Variants in GRID1 observed in about 807,000 individuals in gnomAD.
The protein encoded by GRID1 is glutamate receptor ionotropic, delta-1.
Under a neutral mutation model 98.0 loss-of-function variants are expected in GRID1, and 28 were observed. The ratio of observed to expected loss-of-function variants is 0.29; its 90% CI spans 0.21 to 0.39. The LOEUF is 0.39. GRID1 is among the 10% of genes least tolerant of loss of function. The pLI, the probability that GRID1 is intolerant of heterozygous loss-of-function variation, is 1.00. For missense variants in GRID1, 1,111 were observed against 1,340.5 expected, an observed-to-expected ratio of 0.83 and a Z score of 2.67; for synonymous variants, 553 against 538.5, an observed-to-expected ratio of 1.03 and a Z score of -0.37.
At chr10:85,949,637 G>A (rs1842094628) in intron 4 of GRID1, among the ~76,000 whole-genome samples, 2 of 152,026 alleles carry the variant, frequency 1.3e-5, no homozygotes, top group Admixed American at 6.5e-5. Context: ...AAACCTTCTA[G>A]GCTTCCATCC....
chr10:86,074,793 A>C lies in GRID1; in HGVS notation c.726+64026T>G, dbSNP rs560201972. ...ATTAAAATTTGGCTTCAGCTTTTACACAGAGATGGTGCAGGACAGGGCTCC... is the reference window on the plus strand; with the variant it reads ...ATTAAAATTTGGCTTCAGCTTTTACCCAGAGATGGTGCAGGACAGGGCTCC... On this transcript the variant is annotated intron_variant, in intron 4 of 15. Coordinates refer to ENST00000327946, the MANE Select transcript of GRID1 (RefSeq NM_017551.3). Among the ~76,000 whole-genome samples, 26 of 152,352 alleles carry C rather than the reference A, an allele frequency of 1.7e-4. No individual in the cohort carries two copies. In the South Asian group the frequency reaches 5.4e-3, roughly 32 times the overall value.
At chr10:85,844,783 C>A (rs1215760832) in intron 8 of GRID1, among the ~76,000 whole-genome samples, 1 of 151,394 alleles carries the variant, frequency 6.6e-6, no homozygotes, top group East Asian at 1.9e-4. Context: ...GAAATGAGCA[C>A]CAACAAAAAG....
chr10:86,034,828 G>A (rs529413623), intron 4 of GRID1, among the ~76,000 whole-genome samples: 18 of 152,050 alleles, frequency 1.2e-4, no homozygotes, highest in African/African-American at 4.1e-4. Context: ...TGGACCTACT[G>A]ATGAATGGAT....
chr10:86,338,363 A>G (rs1848258628), intron 2 of GRID1, among the ~76,000 whole-genome samples: 1 of 152,172 alleles, frequency 6.6e-6, no homozygotes. Flanking sequence ...ATAGTGGATG[A>G]CGTGGAAGGA....
intron 4 of GRID1, among the ~76,000 whole-genome samples, chr10:85,938,812 T>C (rs968434881): frequency 1.3e-5 from 2 of 152,220 alleles, no homozygotes; most frequent in African/African-American, 4.8e-5. Flanking sequence ...ACCTGTGATT[T>C]GGAAAGCTTT....
chr10:86,098,745 A>G (rs183045003), intron 4 of GRID1, among the ~76,000 whole-genome samples: 1 of 152,170 alleles, frequency 6.6e-6, no homozygotes, highest in African/African-American at 2.4e-5. Flanking sequence ...TTTGATTACA[A>G]CTGAAGTTTT....
At chr10:85,918,784 C>T (rs572150599) in intron 4 of GRID1, among the ~76,000 whole-genome samples, 2 of 152,302 alleles carry the variant, frequency 1.3e-5, no homozygotes, top group South Asian at 2.1e-4. Flanking sequence ...GGAGTAGCGA[C>T]GTCCCATCCC....
chr10:85,895,767 A>G (rs544752514), intron 5 of GRID1, among the ~76,000 whole-genome samples: 1 of 152,328 alleles, frequency 6.6e-6, no homozygotes, highest in East Asian at 1.9e-4. Flanking sequence ...CATAGTCTTA[A>G]TGATATGAAA....
At chr10:86,095,347 A>T (rs567792503) in intron 4 of GRID1, among the ~76,000 whole-genome samples, 20 of 152,318 alleles carry the variant, frequency 1.3e-4, no homozygotes, top group African/African-American at 4.8e-4. Flanking sequence ...AAACAAAGAT[A>T]AAAAGCTGGG....
intron 12 of GRID1, among the ~76,000 whole-genome samples, chr10:85,669,773 T>A (rs1439286080): frequency 6.6e-6 from 1 of 152,198 alleles, no homozygotes; most frequent in Non-Finnish European, 1.5e-5. Flanking sequence ...TTTAATATTT[T>A]AATTCCATGC....
chr10:86,338,519 T>G (rs2132108085), intron 2 of GRID1, among the ~76,000 whole-genome samples: 1 of 152,232 alleles, frequency 6.6e-6, no homozygotes, highest in East Asian at 1.9e-4. Context: ...TGGAATTCAT[T>G]TGGGAAACTT....
intron 5 of GRID1, among the ~76,000 whole-genome samples, chr10:85,899,223 C>G (rs1841343335): frequency 6.6e-6 from 1 of 152,192 alleles, no homozygotes; most frequent in African/African-American, 2.4e-5. Flanking sequence ...CCAGGCTCAT[C>G]CATGTTGTCA....
chr10:86,260,440 C>A (rs1300282051), intron 2 of GRID1, among the ~76,000 whole-genome samples: 1 of 152,198 alleles, frequency 6.6e-6, no homozygotes, highest in African/African-American at 2.4e-5. Context: ...ATGCTCCCAC[C>A]ACCCCAACCA....
intron 4 of GRID1, among the ~76,000 whole-genome samples, chr10:85,975,093 A>T (rs1237557201): frequency 6.6e-6 from 1 of 152,222 alleles, no homozygotes; most frequent in Admixed American, 6.5e-5. Context: ...CACCTTAGAC[A>T]TTCCCATTCT....
At chr10:86,105,268 G>T (rs753631783) in intron 4 of GRID1, among the ~76,000 whole-genome samples, 1 of 152,166 alleles carries the variant, frequency 6.6e-6, no homozygotes, top group Admixed American at 6.5e-5. Flanking sequence ...CAGTGAGGGT[G>T]GGCAAGGTTA....
intron 8 of GRID1, among the ~76,000 whole-genome samples, chr10:85,751,838 G>C (rs1590216737): frequency 6.6e-6 from 1 of 152,070 alleles, no homozygotes; most frequent in East Asian, 1.9e-4. Context: ...TAATGAGCTT[G>C]ATGTGCTTTT....
At chr10:85,880,992 G>A (rs904081632) in intron 5 of GRID1, among the ~76,000 whole-genome samples, 17 of 152,264 alleles carry the variant, frequency 1.1e-4, no homozygotes, top group South Asian at 1.0e-3. Flanking sequence ...GACAAACAGA[G>A]AGCCAAATCA....
intron 12 of GRID1, among the ~76,000 whole-genome samples, chr10:85,706,032 T>C (rs919419214): frequency 1.3e-5 from 2 of 152,174 alleles, no homozygotes; most frequent in African/African-American, 4.8e-5. Flanking sequence ...ACTGGAAGCA[T>C]TCCCTTTGAA....
chr10:85,791,758 AT>A (rs1366543781), intron 8 of GRID1, among the ~76,000 whole-genome samples: 1 of 152,206 alleles, frequency 6.6e-6, no homozygotes, highest in Non-Finnish European at 1.5e-5. Context: ...TACAGAGAAC[AT>A]GGTCTCTTGA....
Sources: allele counts gnomAD v4.1 joint callset (sites outside exome capture counted in the v4.1 genomes callset), GRCh38; gene constraint gnomAD v4.1.1; transcripts MANE v1.5; gene names NCBI Gene and HGNC (gene_info 2026-07-23, HGNC 2026-07-21).